Variants in PPM1H observed in about 807,000 individuals in gnomAD.
PPM1H encodes protein phosphatase 1H.
In PPM1H, 27 loss-of-function variants were observed where a neutral mutation model predicts 54.9. That is an observed-to-expected ratio of 0.49 (90% confidence interval 0.36 to 0.68). PPM1H has a LOEUF of 0.68. PPM1H is among the 30% of genes least tolerant of loss of function. PPM1H has a pLI of 0.00. For synonymous variants in PPM1H, 305 were observed against 270.8 expected (o/e 1.13, Z -1.24); for missense variants, 596 against 667.8 (o/e 0.89, Z 1.19).
chr12:62,883,429 T>G (rs1362638882), intron 1 of PPM1H, among the ~76,000 whole-genome samples: 1 of 152,168 alleles, frequency 6.6e-6, no homozygotes, highest in Non-Finnish European at 1.5e-5. Context: ...CTTTTGAAGC[T>G]TCTCATGAAG....
chr12:62,867,843 G>A (rs778905275), intron 1 of PPM1H, among the ~76,000 whole-genome samples: 9 of 151,850 alleles, frequency 5.9e-5, no homozygotes, highest in Non-Finnish European at 1.2e-4. Flanking sequence ...GAAAGCAAAT[G>A]TTCTTTTGGA....
chr12:62,818,804 T>G (rs1269073235), intron 2 of PPM1H, among the ~76,000 whole-genome samples: 1 of 151,412 alleles, frequency 6.6e-6, no homozygotes, highest in Non-Finnish European at 1.5e-5. Context: ...TATCTCAAAA[T>G]GTTGCTTTTT....
intron 1 of PPM1H, among the ~76,000 whole-genome samples, chr12:62,848,849 T>C (rs1246952417): frequency 5.9e-5 from 9 of 152,108 alleles, no homozygotes; most frequent in South Asian, 4.2e-4. Context: ...TAGTGAGGCA[T>C]TGAATTATGG....
intron 4 of PPM1H, among the ~76,000 whole-genome samples, chr12:62,764,125 G>T (rs2076527469): frequency 6.6e-6 from 1 of 152,128 alleles, no homozygotes; most frequent in African/African-American, 2.4e-5. Flanking sequence ...TTGAACTCTG[G>T]TGAATTTCCG....
chr12:62,905,141 A>G (rs1412616689), intron 1 of PPM1H, among the ~76,000 whole-genome samples: 1 of 152,242 alleles, frequency 6.6e-6, no homozygotes, highest in East Asian at 1.9e-4. Flanking sequence ...TTGTTACAAC[A>G]ATTAAATGAG....
At chr12:62,874,916 T>C (rs760164152) in intron 1 of PPM1H, among the ~76,000 whole-genome samples, 20 of 152,144 alleles carry the variant, frequency 1.3e-4, no homozygotes, top group Non-Finnish European at 2.8e-4. Context: ...TTCTATAACA[T>C]GAGAACCAAG....
At chr12:62,879,912 T>C (rs1431138744) in intron 1 of PPM1H, among the ~76,000 whole-genome samples, 3 of 152,190 alleles carry the variant, frequency 2.0e-5, no homozygotes, top group Non-Finnish European at 1.5e-5. Context: ...CCTCAGGTGA[T>C]TGTGCTGGGC....
chr12:62,912,409 T>C (rs1408962200), intron 1 of PPM1H, among the ~76,000 whole-genome samples: 1 of 152,158 alleles, frequency 6.6e-6, no homozygotes, highest in South Asian at 2.1e-4. Flanking sequence ...GTCTCTTCTC[T>C]CAGGAAGGAC....
chr12:62,783,198 T>C (rs1463045051), intron 4 of PPM1H, among the ~76,000 whole-genome samples: 1 of 152,242 alleles, frequency 6.6e-6, no homozygotes, highest in South Asian at 2.1e-4. Flanking sequence ...AGCTCTCATG[T>C]TGAGAAAACA....
At chr12:62,841,414 A>T (rs1868743859) in intron 1 of PPM1H, among the ~76,000 whole-genome samples, 1 of 152,234 alleles carries the variant, frequency 6.6e-6, no homozygotes, top group Non-Finnish European at 1.5e-5. Flanking sequence ...GCTGGAACAC[A>T]GCCACATTCG....
At chr12:62,886,520 G>C (rs1005933461) in intron 1 of PPM1H, among the ~76,000 whole-genome samples, 1 of 152,124 alleles carries the variant, frequency 6.6e-6, no homozygotes, top group Non-Finnish European at 1.5e-5. Context: ...ACTCTGTTAG[G>C]AATGTCTACA....
chr12:62,738,221 C>T (rs945615221), intron 4 of PPM1H, among the ~76,000 whole-genome samples: 1 of 152,122 alleles, frequency 6.6e-6, no homozygotes, highest in African/African-American at 2.4e-5. Context: ...GTTAGAAATG[C>T]AGAATCTCAG....
In PPM1H at chr12:62,815,608, AAAC is replaced by A. The variant is rs1200818407; in HGVS notation, c.412-13451_412-13449del. Among the ~76,000 whole-genome samples, 8 of 152,324 alleles carry A rather than the reference AAAC, an allele frequency of 5.3e-5. No homozygotes were observed. In the South Asian group the frequency reaches 6.2e-4, roughly 12 times the overall value. ...AGTGCAGTTGCCAATCCACTATTAG[AAAC>A]AACAACAACAATAGATAATATTTAT... On this transcript the variant is annotated intron_variant, in intron 2 of 9. Transcript: ENST00000228705.
At chr12:62,793,258 C>T (rs894509606) in intron 3 of PPM1H, among the ~76,000 whole-genome samples, 4 of 152,150 alleles carry the variant, frequency 2.6e-5, no homozygotes, top group African/African-American at 7.2e-5. Context: ...AATCAATAGT[C>T]CTGAAGACCT....
At chr12:62,852,502 G>A (rs1030007335) in intron 1 of PPM1H, among the ~76,000 whole-genome samples, 1 of 152,142 alleles carries the variant, frequency 6.6e-6, no homozygotes, top group South Asian at 2.1e-4. Context: ...CTCAGTCTGC[G>A]ATACTTTGTT....
chr12:62,719,470 C>A (rs150096778), intron 6 of PPM1H, among the ~76,000 whole-genome samples: 175 of 151,388 alleles, frequency 1.2e-3, no homozygotes, highest in African/African-American at 3.3e-3. Flanking sequence ...TTAATCCTTA[C>A]ATTAACCCTA....
intron 1 of PPM1H, among the ~76,000 whole-genome samples, chr12:62,867,728 C>T (rs1869835670): frequency 1.4e-5 from 2 of 141,390 alleles, no homozygotes; most frequent in African/African-American, 2.8e-5. Context: ...CAGGTGCCTG[C>T]CACCACACCT....
intron 2 of PPM1H, among the ~76,000 whole-genome samples, chr12:62,810,102 T>A (rs936812918): frequency 7.2e-5 from 11 of 152,148 alleles, no homozygotes; most frequent in Admixed American, 7.2e-4. Context: ...GAATAGATGT[T>A]CGATAAATAC....
In PPM1H at chr12:62,647,330, C is replaced by T. The variant is rs1377902122; in HGVS notation, c.*1159G>A. On this transcript the variant is annotated 3_prime_UTR_variant, in exon 10 of 10. Transcript: ENST00000228705. ...TTTATTAAAGTGCCCCCCGAGGGGC[C>T]TTGCACAAAGATGATGGGGAGAGCA... The T allele has an allele frequency of 6.6e-6, 1 of 152,188 alleles. No individual in the cohort carries two copies. The highest frequency in any genetic ancestry group is 2.4e-5 in the African/African-American group (1 of 41,430). The allele number at this position is 152,188 out of a possible 1,614,324, so 9.4% of individuals were successfully genotyped here.
Sources: gnomAD v4.1 joint callset for allele counts (sites outside exome capture counted in the v4.1 genomes callset) on GRCh38, gnomAD v4.1.1 for gene constraint, MANE v1.5 for transcripts, NCBI Gene and HGNC (gene_info 2026-07-23, HGNC 2026-07-21) for gene names.